The following ACTN3 variants were observed in gnomAD, a reference collection of about 807,000 sequenced individuals.
The protein encoded by ACTN3 is alpha-actinin-3.
ACTN3 carries 91 observed loss-of-function variants against 119.6 expected under a neutral mutation model. That is an observed-to-expected ratio of 0.76 (90% CI 0.64 to 0.91). The LOEUF is 0.91. ACTN3 is among the 40% of genes least tolerant of loss of function. ACTN3 has a pLI of 0.00. For synonymous variants in ACTN3, 456 were observed against 478.8 expected (o/e 0.95, Z 0.62); for missense variants, 1,221 against 1,215.1 (o/e 1.00, Z -0.07).
At chr11:66,559,445 G>GC in intron 12 of ACTN3, 59 bp downstream of exon 12, 3 of 1,387,416 alleles carry the variant, frequency 2.2e-6, no homozygotes, top group African/African-American at 1.5e-5. Flanking sequence ...CCGGTGGCGA[G>GC]CCCCACCCTG....
At chr11:66,555,448 T>C (rs1288282025) in intron 7 of ACTN3, 81 bp downstream of exon 7, 3 of 1,450,288 alleles carry the variant, frequency 2.1e-6, no homozygotes, top group Admixed American at 1.7e-5. Flanking sequence ...TGCACGGCCC[T>C]TTCCTCCTCC....
At chr11:66,553,525 A>G (rs953070991) in intron 3 of ACTN3, among the ~76,000 whole-genome samples, 4 of 151,994 alleles carry the variant, frequency 2.6e-5, no homozygotes, top group South Asian at 2.1e-4. Flanking sequence ...ACTGTACTCC[A>G]GCCGGGGCAA....
chr11:66,560,342 G>A lies in ACTN3; in HGVS notation c.1677+31G>A, dbSNP rs765058208. On this transcript the variant is annotated intron_variant, in intron 14 of 20. Transcript: ENST00000513398. Reference sequence around the variant, plus strand: ...TGCCAGGGTTGCAGGGGATGGATAGGATGACAGGAAAGCTGGCCCCAAATT... The same window carrying A: ...TGCCAGGGTTGCAGGGGATGGATAGAATGACAGGAAAGCTGGCCCCAAATT... 7 of 1,596,896 alleles carry A rather than the reference G, an allele frequency of 4.4e-6. No individual in the cohort carries two copies. In the Admixed American group the frequency reaches 1.2e-4, roughly 27 times the overall value.
chr11:66,560,743 C>A lies in ACTN3; in HGVS notation c.1848C>A (p.Thr616=). The change falls in exon 15 of 21, where the codon ACC becomes ACA. Residue 616 remains threonine, a synonymous_variant. Coordinates refer to ENST00000513398, the MANE Select transcript of ACTN3 (RefSeq NM_001104.4). ...YITLSPQDIN[T]KWDMVRKLVP... ...CCCTCAGCCCGCAGGACATCAACAC[C>A]AAGTGGGATATGGTCAGTGCCACCT... 1 of 1,611,900 alleles carries A rather than the reference C, an allele frequency of 6.2e-7. No individual in the cohort carries two copies. Among genetic ancestry groups the A allele is most frequent in the Non-Finnish European group, 8.5e-7 (1 of 1,178,538 alleles).
intron 15 of ACTN3, 108 bp downstream of exon 15, chr11:66,560,863 G>A: frequency 1.6e-6 from 2 of 1,246,946 alleles, no homozygotes; most frequent in Non-Finnish European, 2.3e-6. Flanking sequence ...TCAGATGTGG[G>A]GTCTGCCACA....
rs377076795 is a variant in ACTN3, at chr11:66,560,679, C to T, written c.1784C>T (p.Thr595Met). The change falls in exon 15 of 21, where the codon ACG becomes ATG. Residue 595 changes from threonine (T) to methionine (M), a missense_variant. Around this residue, in one of 3 missense-constraint regions of ACTN3, gnomAD observed 934 missense variants for 899.9 expected, o/e 1.04. Coordinates refer to ENST00000513398, the MANE Select transcript of ACTN3 (RefSeq NM_001104.4). Reference sequence around the variant, plus strand: ...GGTGAGATCCAGAAGATCTGCCAGACGTATGGGCTGCGGCCCTGCTCCACC... The same window carrying T: ...GGTGAGATCCAGAAGATCTGCCAGATGTATGGGCTGCGGCCCTGCTCCACC... Reference protein sequence around the residue: ...IQGEIQKICQTYGLRPCSTNP... With the variant: ...IQGEIQKICQMYGLRPCSTNP... 3.8e-5 allele frequency: 62 copies of T among 1,613,952 alleles called. No homozygotes were observed. The highest frequency in any genetic ancestry group is 2.8e-4 in the African/African-American group (21 of 75,056).
intron 1 of ACTN3, 124 bp downstream of exon 1, chr11:66,547,208 A>G: frequency 8.4e-7 from 1 of 1,194,422 alleles, no homozygotes; most frequent in South Asian, 2.6e-5. Context: ...TCCCCAGCCC[A>G]GGCTCTGCCC....
chr11:66,557,536 ACTT>A (rs894223804), intron 9 of ACTN3, among the ~76,000 whole-genome samples, 160 bp from the exon 10 acceptor site: 3 of 152,130 alleles, frequency 2.0e-5, no homozygotes, highest in Non-Finnish European at 4.4e-5. Context: ...CAACCATCCC[ACTT>A]CTTCTCTGAC....
chr11:66,547,017 T>G lies in ACTN3; in HGVS notation c.80T>G (p.Met27Arg), dbSNP rs747126112. 118 of 1,524,666 alleles carry G rather than the reference T, an allele frequency of 7.7e-5. No homozygotes were observed. Among genetic ancestry groups the G allele is most frequent in the Non-Finnish European group, 1.0e-4 (115 of 1,140,446 alleles). The allele number at this position is 1,524,666 out of a possible 1,614,324, so 94.4% of individuals were successfully genotyped here. A position where few individuals can be genotyped will look rare whatever the true frequency, so the allele number is the denominator to read the frequency against. Residue 27 changes from methionine to arginine, a missense_variant, in exon 1 of 21, where the codon ATG becomes AGG. Transcript: ENST00000513398. Reference protein sequence around the residue: ...FAGGGGGGEYMEQEEDWDRDL... With the variant: ...FAGGGGGGEYREQEEDWDRDL... ...GGCGGCGGCGGGGGCGGCGAGTACA[T>G]GGAACAGGAGGAGGACTGGGACCGC...
At chr11:66,559,110 T>C (rs2275998) in intron 11 of ACTN3, 126 bp from the exon 12 acceptor site, 195,212 of 1,045,904 alleles carry the variant, frequency 0.19, 19,047 homozygotes, top group African/African-American at 0.28. Flanking sequence ...GCAGAGCAAA[T>C]CCCTAGGACG....
At chr11:66,554,514 C>A in intron 4 of ACTN3, 22 bp from the exon 5 acceptor site, 1 of 1,584,592 alleles carries the variant, frequency 6.3e-7, no homozygotes. Context: ...CCAATGAATC[C>A]TCCCACCTCC....
rs763762169 is a variant in ACTN3, at chr11:66,557,903, A to G, written c.1102A>G (p.Met368Val). The change falls in exon 10 of 21, where the codon ATG (methionine) becomes GTG (valine). Residue 368 changes from methionine (M) to valine (V), a missense_variant. Coordinates refer to ENST00000513398, the MANE Select transcript of ACTN3 (RefSeq NM_001104.4). Reference protein sequence around the residue: ...KLRLSHRPAFMPSEGKLVSDI... With the variant: ...KLRLSHRPAFVPSEGKLVSDI... ...GCGGCTCAGCCACCGGCCTGCCTTC[A>G]TGCCCTCCGAGGGCAAGCTGGTCTC... 3 of 1,613,828 alleles carry G rather than the reference A, an allele frequency of 1.9e-6. No individual in the cohort carries two copies. The highest frequency in any genetic ancestry group is 1.7e-5 in the Admixed American group (1 of 59,994).
chr11:66,549,732 C>CAA (rs61393902), intron 1 of ACTN3, among the ~76,000 whole-genome samples: 5,602 of 39,402 alleles, frequency 0.14, 154 homozygotes, highest in Middle Eastern at 0.23. Context: ...ACTCTGTCTC[C>CAA]AAAAAAAAAA....
At chr11:66,549,292 C>T (rs1857425003) in intron 1 of ACTN3, among the ~76,000 whole-genome samples, 1 of 152,224 alleles carries the variant, frequency 6.6e-6, no homozygotes, top group African/African-American at 2.4e-5. Context: ...CAGCTCTGAT[C>T]AAATACTCGC....
At chr11:66,554,855 C>A (rs1390121306) in intron 5 of ACTN3, among the ~76,000 whole-genome samples, 1 of 152,124 alleles carries the variant, frequency 6.6e-6, no homozygotes, top group African/African-American at 2.4e-5. Context: ...GTGTTTGAGA[C>A]TTCCCTGGAA....
chr11:66,557,022 A>G (rs1477467033), intron 8 of ACTN3, 111 bp from the exon 9 acceptor site: 2 of 912,550 alleles, frequency 2.2e-6, no homozygotes, highest in African/African-American at 1.7e-5. Flanking sequence ...CGGCCTCCCA[A>G]ACTGCTGGGA....
At chr11:66,558,201 G>C in intron 11 of ACTN3, 27 bp downstream of exon 11, 4 of 1,609,336 alleles carry the variant, frequency 2.5e-6, no homozygotes, top group Non-Finnish European at 3.4e-6. Flanking sequence ...CATGGGGCTG[G>C]ACTGTCTCTT....
intron 5 of ACTN3, 78 bp downstream of exon 5, chr11:66,554,701 A>G (rs1033049713): frequency 8.5e-7 from 1 of 1,179,246 alleles, no homozygotes; most frequent in Non-Finnish European, 1.2e-6. Flanking sequence ...CTGGTCAGTG[A>G]AGGGCACTGA....
In ACTN3 at chr11:66,561,611, A is replaced by G. The variant is rs748922825; in HGVS notation, c.2149A>G (p.Asn717Asp). The G allele has an allele frequency of 6.2e-7, 1 of 1,612,900 alleles. No homozygotes were observed. Among genetic ancestry groups the G allele is most frequent in the East Asian group, 2.2e-5 (1 of 44,854 alleles). ...GCTGCAGGAGAGCCTGGTGTTCGAC[A>G]ATAAGCACACCGTCTACAGCATGGA... ...QLLQESLVFD[N>D]KHTVYSMEHI... is the part of the protein sequence containing the mutation. Residue 717 changes from asparagine (N) to aspartate (D), a missense_variant, in exon 17 of 21, where the codon AAT (asparagine) becomes GAT (aspartate). Asn to Asp is a conservative substitution (Grantham distance 23). Around this residue, in one of 3 missense-constraint regions of ACTN3, gnomAD observed 934 missense variants for 899.9 expected, o/e 1.04. Coordinates refer to ENST00000513398, the MANE Select transcript of ACTN3 (RefSeq NM_001104.4).
Sources: gnomAD v4.1 joint callset for allele counts (sites outside exome capture counted in the v4.1 genomes callset) on GRCh38, gnomAD v4.1.1 for gene constraint, gnomAD v4.1.1 regional missense constraint, MANE v1.5 for transcripts, NCBI Gene and HGNC (gene_info 2026-07-23, HGNC 2026-07-21) for gene names.